The following LMO2 variants were observed in gnomAD, a reference collection of about 807,000 sequenced individuals.
LMO2 encodes the protein rhombotin-2.
LMO2 carries 20 observed loss-of-function variants against 23.2 expected under a neutral mutation model. The observed-to-expected ratio is 0.86, with a 90% CI of 0.61 to 1.25. LMO2 has a LOEUF of 1.25. Among genes scored for constraint, LMO2 ranks in the 50% most tolerant of loss-of-function variants. The pLI is 0.00. For synonymous variants in LMO2, 123 were observed against 130.2 expected (o/e 0.94, Z 0.38); for missense variants, 270 against 315.3 (o/e 0.86, Z 1.09).
At chr11:33,870,286 G>A in intron 2 of LMO2, 2 of 899,186 alleles carry the variant, frequency 2.2e-6, no homozygotes, top group Non-Finnish European at 2.7e-6. Flanking sequence ...AAGGCAGAAA[G>A]TAACCCACGA....
chr11:33,870,489 G>GGGCTCCA (rs1565029687), intron 2 of LMO2: 45 of 980,192 alleles, frequency 4.6e-5, no homozygotes, highest in Non-Finnish European at 5.4e-5. Context: ...TGCGGGCTCC[G>GGGCTCCA]GGCTGCGGGC....
In LMO2 at chr11:33,869,829, G is replaced by C. The variant is rs1281341407; in HGVS notation, c.-113C>G. Reference sequence around the variant, plus strand: ...GCCGCCCGGAGCCCCTCGCACCTTCGGCCCGGGTCGCGGCGCGCTGCTCGC... The same window carrying C: ...GCCGCCCGGAGCCCCTCGCACCTTCCGCCCGGGTCGCGGCGCGCTGCTCGC... On this transcript the variant is annotated 5_prime_UTR_variant, in exon 3 of 6. Transcript: ENST00000257818. 1.9e-5 allele frequency: 20 copies of C among 1,074,702 alleles called. No homozygotes were observed. In the East Asian group the frequency reaches 1.1e-3, roughly 62 times the overall value. 66.6% of individuals were successfully genotyped at this position (1,074,702 alleles called of 1,614,324 possible). A position where few individuals can be genotyped will look rare whatever the true frequency, so the allele number is the denominator to read the frequency against.
chr11:33,864,814 T>C lies in LMO2; in HGVS notation c.252A>G (p.Glu84=). The C allele has an allele frequency of 4.3e-6, 7 of 1,613,306 alleles. No individual in the cohort carries two copies. Among genetic ancestry groups the C allele is most frequent in the Non-Finnish European group, 5.9e-6 (7 of 1,179,918 alleles). ...IERKSLDPSE[E]PVDEVLQIPP... is the part of the protein sequence containing the mutation. ...GGATCTGCAGCACCTCATCCACTGG[T>C]TCCCTGGAGAGAAGGCCAAGCATCA... The change falls in exon 5 of 6, where the codon GAA becomes GAG. Residue 84 remains glutamate, a synonymous_variant. Coordinates refer to ENST00000257818, the MANE Select transcript of LMO2 (RefSeq NM_005574.4). The surrounding 1 kb of genome is among the most constrained non-coding windows in gnomAD (Gnocchi z 4.8).
At chr11:33,878,370 T>C (rs1220740163) in intron 2 of LMO2, among the ~76,000 whole-genome samples, 1 of 152,210 alleles carries the variant, frequency 6.6e-6, no homozygotes, top group Non-Finnish European at 1.5e-5. Context: ...GGTACTAGAA[T>C]AGTAGAGTGA....
chr11:33,869,540 C>G lies in LMO2; in HGVS notation c.54G>C (p.Ala18=). The change falls in exon 4 of 6, where the codon GCG becomes GCC. Residue 18 remains alanine, a synonymous_variant. Transcript: ENST00000257818. ...VLERGGASSP[A]ERRSKRRRRS... Reference sequence around the variant, plus strand: ...TGCGCCTCCGCTTGCTCCGGCGCTCCGCCGGCGAGCTCGCCCCTCCGCGCT... The same window carrying G: ...TGCGCCTCCGCTTGCTCCGGCGCTCGGCCGGCGAGCTCGCCCCTCCGCGCT... 7.9e-7 allele frequency: 1 copy of G among 1,273,416 alleles called. No homozygotes were observed. Among genetic ancestry groups the G allele is most frequent in the Non-Finnish European group, 1.0e-6 (1 of 998,254 alleles). 78.9% of individuals were successfully genotyped at this position (1,273,416 alleles called of 1,614,324 possible).
chr11:33,887,313 G>T (rs2133718816), intron 1 of LMO2, among the ~76,000 whole-genome samples: 1 of 152,322 alleles, frequency 6.6e-6, no homozygotes, highest in East Asian at 1.9e-4. Flanking sequence ...CATGGTTAGG[G>T]CATATTGTGG....
chr11:33,864,845 A>T lies in LMO2; in HGVS notation c.249-28T>A. 6.2e-7 allele frequency: 1 copy of T among 1,600,162 alleles called. No individual in the cohort carries two copies. Among genetic ancestry groups the T allele is most frequent in the Non-Finnish European group, 8.5e-7 (1 of 1,169,708 alleles). On this transcript the variant is annotated intron_variant, in intron 4 of 5. Coordinates refer to ENST00000257818, the MANE Select transcript of LMO2 (RefSeq NM_005574.4). The surrounding 1 kb of genome is among the most constrained non-coding windows in gnomAD (Gnocchi z 4.8). ...GGAGAGAAGGCCAAGCATCAGGGAC[A>T]GCCTCACCAGAGTGAGACCAGCACC...
At chr11:33,879,657 T>A (rs1489859179) in intron 2 of LMO2, among the ~76,000 whole-genome samples, 1 of 152,106 alleles carries the variant, frequency 6.6e-6, no homozygotes, top group Non-Finnish European at 1.5e-5. Flanking sequence ...ACAAGCTCTG[T>A]CTGGATTTAA....
chr11:33,867,901 T>C (rs1334434793), intron 4 of LMO2, among the ~76,000 whole-genome samples: 2 of 152,338 alleles, frequency 1.3e-5, no homozygotes, highest in East Asian at 3.8e-4. Context: ...TTCACTCCCT[T>C]ATTGTGTTAC....
Position 33,869,563 on chromosome 11 carries a change from G to C in LMO2, c.31C>G (p.Arg11Gly), listed in dbSNP as rs1426437011. The change falls in exon 4 of 6, where the codon CGC becomes GGC. Residue 11 changes from arginine to glycine, a missense_variant. By Grantham distance (125) the Arg-to-Gly change is moderately radical (BLOSUM62 -2). Coordinates refer to ENST00000257818, the MANE Select transcript of LMO2 (RefSeq NM_005574.4). MEGSAVTVLE[R>G]GGASSPAERR... ...TCCGCCGGCGAGCTCGCCCCTCCGC[G>C]CTCAAGGACAGTCACCGCGCTCCCT... 2 of 1,292,754 alleles carry C rather than the reference G, an allele frequency of 1.5e-6. No individual in the cohort carries two copies. The highest frequency in any genetic ancestry group is 7.2e-5 in the Admixed American group (2 of 27,814). The allele number at this position is 1,292,754 out of a possible 1,614,324, so 80.1% of individuals were successfully genotyped here.
In LMO2 at chr11:33,869,870, G is replaced by T. The variant is rs534578406; in HGVS notation, c.-154C>A. The T allele has an allele frequency of 3.8e-6, 4 of 1,052,728 alleles. No homozygotes were observed. Among genetic ancestry groups the T allele is most frequent in the African/African-American group, 1.7e-5 (1 of 58,836 alleles). 65.2% of individuals were successfully genotyped at this position (1,052,728 alleles called of 1,614,324 possible). ...CGCTGCTCGCCGCCGAGGGCAGAGA[G>T]GGGGCGGCGGCCTAGGGGCGGGGAG... is the stretch of plus-strand genomic sequence containing the variant. On this transcript the variant is annotated 5_prime_UTR_variant, in exon 3 of 6. Transcript: ENST00000257818.
chr11:33,877,229 G>C (rs926982812), intron 2 of LMO2, among the ~76,000 whole-genome samples: 1 of 152,192 alleles, frequency 6.6e-6, no homozygotes, highest in Non-Finnish European at 1.5e-5. Context: ...ACATAAAGAA[G>C]GTGCCAGAAG....
intron 4 of LMO2, among the ~76,000 whole-genome samples, chr11:33,869,098 G>A (rs536378381): frequency 6.6e-6 from 1 of 152,338 alleles, no homozygotes; most frequent in East Asian, 1.9e-4. Flanking sequence ...GAGCGTCCCA[G>A]TAGCCTGGAG....
chr11:33,861,354 G>C (rs1280148631), intron 5 of LMO2, among the ~76,000 whole-genome samples: 5 of 152,202 alleles, frequency 3.3e-5, no homozygotes, highest in South Asian at 2.1e-4. Flanking sequence ...GGGGACCTAA[G>C]GGCAGTTGAC....
At chr11:33,868,975 GGAA>G (rs1554956194) in intron 4 of LMO2, among the ~76,000 whole-genome samples, 1 of 152,218 alleles carries the variant, frequency 6.6e-6, no homozygotes, top group Non-Finnish European at 1.5e-5. Flanking sequence ...AGAAGGAGAG[GGAA>G]GAAGGGAGCA....
chr11:33,888,521 A>G (rs1374234121), intron 1 of LMO2, among the ~76,000 whole-genome samples: 1 of 151,980 alleles, frequency 6.6e-6, no homozygotes, highest in African/African-American at 2.4e-5. Flanking sequence ...TCATTCTTCA[A>G]ACTCTTGCTT....
rs755456419 is a variant in LMO2, at chr11:33,869,742, G to A, written c.-26C>T. 36 of 1,264,978 alleles carry A rather than the reference G, an allele frequency of 2.8e-5. No individual in the cohort carries two copies. The South Asian group carries it at 3.6e-4, about 13-fold the overall frequency. The allele number at this position is 1,264,978 out of a possible 1,614,324, so 78.4% of individuals were successfully genotyped here. On this transcript the variant is annotated 5_prime_UTR_variant, in exon 3 of 6. Transcript: ENST00000257818. ...CCCGGTCCCGCCGCCGCCACCGCCC[G>A]GTCCCTCTCGCGCGCTGTCGCCGGC... is the stretch of plus-strand genomic sequence containing the variant.
In LMO2 at chr11:33,864,910, C is replaced by T. The variant is rs1276568969; in HGVS notation, c.249-93G>A. The T allele has an allele frequency of 8.9e-6, 10 of 1,122,002 alleles. No homozygotes were observed. The East Asian group carries it at 2.2e-4, about 24-fold the overall frequency. The allele number at this position is 1,122,002 out of a possible 1,614,324, so 69.5% of individuals were successfully genotyped here. On this transcript the variant is annotated intron_variant, in intron 4 of 5. Transcript: ENST00000257818. The surrounding 1 kb of genome is among the most constrained non-coding windows in gnomAD (Gnocchi z 4.8). ...GTTTTGGGCCAGACAGGGCATCTCA[C>T]CTGACTGCCTTTCAGTGACCTAAGG...
At chr11:33,869,254 A>G (rs1241402535) in intron 4 of LMO2, 92 bp downstream of exon 4, 27 of 948,190 alleles carry the variant, frequency 2.8e-5, no homozygotes, top group Non-Finnish European at 3.5e-5. Flanking sequence ...GCGCACCTGG[A>G]GCCCCCTCGC....
Sources: allele counts gnomAD v4.1 joint callset (sites outside exome capture counted in the v4.1 genomes callset), GRCh38; gene constraint gnomAD v4.1.1; non-coding constraint Gnocchi (gnomAD v3.1); transcripts MANE v1.5; gene names NCBI Gene and HGNC (gene_info 2026-07-23, HGNC 2026-07-21).